Variants in PRH1 observed in about 807,000 individuals in gnomAD.
PRH1 encodes proline rich protein HaeIII subfamily 1.
PRH1 carries 7 observed loss-of-function variants against 7.9 expected under a neutral mutation model. The ratio of observed to expected loss-of-function variants is 0.89; its 90% CI spans 0.50 to 1.67. The LOEUF (loss-of-function observed/expected upper bound fraction) is 1.67. Among genes scored for constraint, PRH1 ranks in the 40% most tolerant of loss-of-function variants. PRH1 has a pLI of 0.00. For synonymous variants in PRH1, 45 were observed against 80.8 expected, an observed-to-expected ratio of 0.56 and a Z score of 2.38; for missense variants, 109 against 223.6, an observed-to-expected ratio of 0.49 and a Z score of 3.27.
intron 1 of PRH1, among the ~76,000 whole-genome samples, chr12:11,017,244 CAGTTTAATTTACAT>C (rs1383662220): frequency 2.6e-5 from 4 of 152,166 alleles, no homozygotes; most frequent in African/African-American, 9.6e-5. Context: ...CTTCTGCTCT[CAGTTTAATTTACAT>C]TTTGGAAAAC....
intron 1 of PRH1, among the ~76,000 whole-genome samples, chr12:11,103,299 T>A (rs1464605286): frequency 2.0e-5 from 3 of 152,074 alleles, no homozygotes; most frequent in Admixed American, 6.6e-5. Context: ...CAAATGCCCA[T>A]CAATGATAGA....
chr12:10,911,231 T>C (rs1375736712), intron 2 of PRH1, among the ~76,000 whole-genome samples: 2 of 152,114 alleles, frequency 1.3e-5, no homozygotes, highest in African/African-American at 4.8e-5. Context: ...TCTGTACAAA[T>C]AGGCCTGAGG....
chr12:10,941,533 AATTTATTTATTATTAAAATTTATT>A (rs1232918537), intron 2 of PRH1, among the ~76,000 whole-genome samples: 2 of 150,458 alleles, frequency 1.3e-5, no homozygotes, highest in African/African-American at 4.9e-5. Context: ...CAAATGTTTG[AATTTATTTATTATTAAAATTTATT>A]ATTTATTTAT....
At chr12:10,924,535 T>C (rs1950098646) in intron 2 of PRH1, among the ~76,000 whole-genome samples, 1 of 152,156 alleles carries the variant, frequency 6.6e-6, no homozygotes, top group South Asian at 2.1e-4. Context: ...TAGGGAGGAT[T>C]CCCTCTTTTT....
At chr12:10,905,090 T>A (rs1949784187) in intron 2 of PRH1, among the ~76,000 whole-genome samples, 1 of 151,844 alleles carries the variant, frequency 6.6e-6, no homozygotes, top group African/African-American at 2.4e-5. Context: ...GCATGCAAAT[T>A]ACGTCAGCCA....
intron 1 of PRH1, among the ~76,000 whole-genome samples, chr12:11,032,793 C>G (rs1942283799): frequency 6.6e-6 from 1 of 152,180 alleles, no homozygotes; most frequent in African/African-American, 2.4e-5. Context: ...AGTATCCTAT[C>G]ACAGGAAGAC....
chr12:10,937,232 C>G (rs3033010), intron 2 of PRH1, among the ~76,000 whole-genome samples: 2,778 of 110,150 alleles, frequency 0.025, 48 homozygotes, highest in African/African-American at 0.036. Flanking sequence ...CTCTCTCTCT[C>G]TGTGTGTGTG....
chr12:10,951,394 C>T (rs1247274177), intron 2 of PRH1, among the ~76,000 whole-genome samples: 1 of 152,108 alleles, frequency 6.6e-6, no homozygotes, highest in Non-Finnish European at 1.5e-5. Context: ...ATTTATTTTT[C>T]TCAATACCAG....
chr12:11,020,397 T>C (rs1273848927), intron 1 of PRH1, among the ~76,000 whole-genome samples: 1 of 65,210 alleles, frequency 1.5e-5, no homozygotes, highest in Non-Finnish European at 4.0e-5. Flanking sequence ...TATATGTCTA[T>C]AGATATAGAT....
intron 1 of PRH1, chr12:11,171,120 A>ATC (rs1224232774): frequency 2.6e-6 from 1 of 390,918 alleles, no homozygotes; most frequent in African/African-American, 2.1e-5. Context: ...GCCACCTACC[A>ATC]TCAGTTGAGC....
At chr12:11,160,974 C>CT (rs912038645) in intron 1 of PRH1, among the ~76,000 whole-genome samples, 1 of 152,146 alleles carries the variant, frequency 6.6e-6, no homozygotes, top group African/African-American at 2.4e-5. Flanking sequence ...ATGTTCTACT[C>CT]TTTTTTCTAA....
At chr12:10,906,246 T>C (rs1266773317) in intron 2 of PRH1, among the ~76,000 whole-genome samples, 1 of 152,248 alleles carries the variant, frequency 6.6e-6, no homozygotes, top group African/African-American at 2.4e-5. Flanking sequence ...TCTGTCCTTA[T>C]ACTCAAGGAT....
chr12:10,929,301 C>G (rs1950167712), intron 2 of PRH1: 1 of 1,614,046 alleles, frequency 6.2e-7, no homozygotes, highest in African/African-American at 1.3e-5. Context: ...GTCAGTGGCC[C>G]TGCTGGCCTT....
intron 1 of PRH1, among the ~76,000 whole-genome samples, chr12:10,975,336 G>A (rs761255285): frequency 5.9e-5 from 9 of 152,188 alleles, no homozygotes; most frequent in Non-Finnish European, 1.3e-4. Flanking sequence ...AGCTTCATAA[G>A]TGAAGGGGAA....
intron 1 of PRH1, chr12:11,034,784 G>A (rs1213620209): frequency 6.6e-6 from 1 of 152,254 alleles, no homozygotes; most frequent in African/African-American, 2.4e-5. Context: ...CTACTCACAA[G>A]GCTGAGGTGG....
intron 1 of PRH1, among the ~76,000 whole-genome samples, chr12:11,096,374 AT>A (rs1945068986): frequency 8.7e-6 from 1 of 114,542 alleles, no homozygotes; most frequent in South Asian, 2.4e-4. Flanking sequence ...TTTTTGTCTT[AT>A]TGTTTTAGAG....
intron 2 of PRH1, among the ~76,000 whole-genome samples, chr12:10,903,174 A>G (rs998678545): frequency 6.6e-6 from 1 of 152,250 alleles, no homozygotes; most frequent in Middle Eastern, 3.4e-3. Context: ...GATCTGTAAC[A>G]CAAATAGAAA....
downstream of PRH1, among the ~76,000 whole-genome samples, chr12:11,118,980 C>T (rs1341653890): frequency 1.2e-4 from 13 of 107,488 alleles, no homozygotes; most frequent in South Asian, 6.7e-4. Flanking sequence ...GGAGACAGAG[C>T]GAGACTCCAT....
At chr12:11,017,722 G>T (rs1022453291) in intron 1 of PRH1, among the ~76,000 whole-genome samples, 1 of 151,872 alleles carries the variant, frequency 6.6e-6, no homozygotes, top group African/African-American at 2.4e-5. Flanking sequence ...CAAACTCCTG[G>T]CCTCCAGTGA....
Sources: gnomAD v4.1 joint callset for allele counts (sites outside exome capture counted in the v4.1 genomes callset) on GRCh38, gnomAD v4.1.1 for gene constraint, MANE v1.5 for transcripts, NCBI Gene and HGNC (gene_info 2026-07-23, HGNC 2026-07-21) for gene names.